AMPH: variants seen among roughly 807,000 people sequenced by gnomAD.
AMPH encodes amphiphysin.
AMPH carries 49 observed loss-of-function variants against 99.1 expected under a neutral mutation model. The observed-to-expected ratio is 0.49, with a 90% CI of 0.39 to 0.63. The LOEUF (loss-of-function observed/expected upper bound fraction) is 0.63. Among genes scored for constraint, AMPH ranks in the 20% least tolerant of loss-of-function variants. The pLI is 0.00. For synonymous variants in AMPH, 314 were observed against 317.3 expected (o/e 0.99, Z 0.11); for missense variants, 759 against 863.4 (o/e 0.88, Z 1.52).
chr7:38,456,854 G>A (rs113048467), intron 11 of AMPH, among the ~76,000 whole-genome samples: 8 of 152,148 alleles, frequency 5.3e-5, no homozygotes, highest in African/African-American at 1.9e-4. Flanking sequence ...CACAAGCAAT[G>A]CTCAGTCTAC....
intron 13 of AMPH, 170 bp from the exon 14 acceptor site, chr7:38,430,035 TG>T (rs1785945250): frequency 3.4e-6 from 2 of 593,138 alleles, no homozygotes; most frequent in East Asian, 3.1e-5. Context: ...GTTCCAAAAT[TG>T]TTTAAGACCA....
chr7:38,491,407 A>C (rs1452718721), intron 4 of AMPH, among the ~76,000 whole-genome samples: 1 of 152,190 alleles, frequency 6.6e-6, no homozygotes, highest in East Asian at 1.9e-4. Flanking sequence ...GAATGCAGAA[A>C]CTTCAAAAGA....
intron 5 of AMPH, among the ~76,000 whole-genome samples, chr7:38,482,694 C>A (rs144579367): frequency 6.6e-6 from 1 of 152,118 alleles, no homozygotes; most frequent in East Asian, 1.9e-4. Context: ...TAGTCACAGC[C>A]TTTATTTGCT....
At chr7:38,595,048 T>G (rs1793001915) in intron 1 of AMPH, among the ~76,000 whole-genome samples, 1 of 152,094 alleles carries the variant, frequency 6.6e-6, no homozygotes, top group South Asian at 2.1e-4. Flanking sequence ...TGAGAGAAAC[T>G]TGCTAGAGGA....
intron 1 of AMPH, among the ~76,000 whole-genome samples, chr7:38,537,078 A>G (rs1438236784): frequency 6.6e-6 from 1 of 152,230 alleles, no homozygotes; most frequent in African/African-American, 2.4e-5. Context: ...AGAGTTTAAC[A>G]TACTATAAAG....
rs200653835 is a variant in AMPH, at chr7:38,391,993, T to C, written c.1633A>G (p.Ile545Val). 9.0e-5 allele frequency: 145 copies of C among 1,607,388 alleles called. No individual in the cohort carries two copies. Among genetic ancestry groups the C allele is most frequent in the Non-Finnish European group, 1.2e-4 (139 of 1,179,974 alleles). The change falls in exon 19 of 21, where the codon ATA (isoleucine) becomes GTA (valine). Residue 545 changes from isoleucine (I) to valine (V), a missense_variant. Transcript: ENST00000356264. ...TCTTCATGGTTGGAGGCAGGCTCTA[T>C]GACCACCGAAGGAATGACCTTCTCC... Reference protein sequence around the residue: ...PQEKVIPSVVIEPASNHEEEG... With the variant: ...PQEKVIPSVVVEPASNHEEEG...
At chr7:38,419,112 G>A (rs1584064083) in intron 16 of AMPH, among the ~76,000 whole-genome samples, 5 of 152,038 alleles carry the variant, frequency 3.3e-5, no homozygotes, top group Admixed American at 3.3e-4. Flanking sequence ...TTTCCCAGTG[G>A]AGTAAGAAGT....
intron 11 of AMPH, among the ~76,000 whole-genome samples, chr7:38,455,853 A>G (rs1397193110): frequency 1.3e-5 from 2 of 152,362 alleles, no homozygotes; most frequent in Non-Finnish European, 2.9e-5. Context: ...GCTCTGGGGC[A>G]GATACTGCCA....
chr7:38,384,736 T>A lies in AMPH; in HGVS notation c.*82A>T. The A allele has an allele frequency of 1.7e-6, 2 of 1,156,792 alleles. No homozygotes were observed. Among genetic ancestry groups the A allele is most frequent in the Non-Finnish European group, 2.6e-6 (2 of 772,944 alleles). The allele number at this position is 1,156,792 out of a possible 1,614,324, so 71.7% of individuals were successfully genotyped here. On this transcript the variant is annotated 3_prime_UTR_variant, in exon 21 of 21. Transcript: ENST00000356264. ...ATCAGTCTGTAAATCATTAAGAGCA[T>A]AATAACAAAAGTGAACTCTTCAGGT...
intron 11 of AMPH, among the ~76,000 whole-genome samples, chr7:38,448,937 T>G (rs184373437): frequency 2.0e-5 from 3 of 152,206 alleles, no homozygotes; most frequent in African/African-American, 7.2e-5. Flanking sequence ...TCATTCCTAG[T>G]GTAGCACGTG....
chr7:38,527,501 G>A (rs879590981), intron 2 of AMPH, among the ~76,000 whole-genome samples: 1 of 152,044 alleles, frequency 6.6e-6, no homozygotes, highest in Non-Finnish European at 1.5e-5. Context: ...TTTTTCTTTG[G>A]AGTGATTATA....
intron 1 of AMPH, among the ~76,000 whole-genome samples, chr7:38,587,036 CACAT>C (rs144414850): frequency 0.054 from 7,851 of 146,664 alleles, 242 homozygotes; most frequent in East Asian, 0.12. Flanking sequence ...CACACACACA[CACAT>C]AAAATCCACA....
chr7:38,566,574 G>C (rs1278781525), intron 1 of AMPH, among the ~76,000 whole-genome samples: 12 of 152,170 alleles, frequency 7.9e-5, no homozygotes, highest in Admixed American at 7.9e-4. Context: ...AAGAGCTTCT[G>C]CACAGCAAAA....
intron 11 of AMPH, among the ~76,000 whole-genome samples, chr7:38,442,924 G>T (rs567699404): frequency 6.0e-4 from 91 of 152,088 alleles, no homozygotes; most frequent in African/African-American, 2.2e-3. Context: ...AAGACCACAG[G>T]CTAGTTATTT....
chr7:38,483,495 G>A (rs1224997316), intron 5 of AMPH, among the ~76,000 whole-genome samples: 3 of 152,114 alleles, frequency 2.0e-5, no homozygotes, highest in African/African-American at 4.8e-5. Flanking sequence ...ACCTTTGGGG[G>A]CTTCCCAAGA....
chr7:38,489,979 T>A (rs7791266), intron 5 of AMPH, among the ~76,000 whole-genome samples: 22,815 of 151,922 alleles, frequency 0.15, 3,168 homozygotes, highest in African/African-American at 0.37. Flanking sequence ...AAATATAAAT[T>A]AAATAAAATA....
At chr7:38,578,598 A>C (rs1435042741) in intron 1 of AMPH, among the ~76,000 whole-genome samples, 1 of 152,026 alleles carries the variant, frequency 6.6e-6, no homozygotes, top group African/African-American at 2.4e-5. Context: ...CCCCATCACT[A>C]TGATAACAAT....
At chr7:38,396,160 C>T (rs2076672417) in intron 17 of AMPH, among the ~76,000 whole-genome samples, 1 of 152,186 alleles carries the variant, frequency 6.6e-6, no homozygotes, top group Admixed American at 6.5e-5. Context: ...GTACATGTGA[C>T]ATGGTTTGGC....
At chr7:38,394,334 G>A in intron 17 of AMPH, 120 bp from the exon 18 acceptor site, 1 of 1,025,894 alleles carries the variant, frequency 9.7e-7, no homozygotes. Flanking sequence ...AACATTCTTT[G>A]CACTCCCAGG....
Sources: allele counts gnomAD v4.1 joint callset (sites outside exome capture counted in the v4.1 genomes callset), GRCh38; gene constraint gnomAD v4.1.1; transcripts MANE v1.5; gene names NCBI Gene and HGNC (gene_info 2026-07-23, HGNC 2026-07-21).